Variants in BRWD1 observed in about 807,000 individuals in gnomAD.
The protein encoded by BRWD1 is bromodomain and WD repeat domain containing 1.
Under a neutral mutation model 251.2 loss-of-function variants are expected in BRWD1, and 82 were observed. That is an observed-to-expected ratio of 0.33 (90% confidence interval 0.27 to 0.39). The LOEUF (loss-of-function observed/expected upper bound fraction) is 0.39. Among genes scored for constraint, BRWD1 ranks in the 10% least tolerant of loss-of-function variants. BRWD1 has a pLI of 1.00. For missense variants in BRWD1, 2,233 were observed against 2,711.6 expected (o/e 0.82, Z 3.92); for synonymous variants, 918 against 902.8 (o/e 1.02, Z -0.30).
chr21:39,213,385 C>CT, intron 33 of BRWD1, 96 bp downstream of exon 33: 1 of 986,216 alleles, frequency 1.0e-6, no homozygotes, highest in South Asian at 1.4e-5. Context: ...CATTGGACTA[C>CT]TACAAGAGTT....
At chr21:39,248,065 T>G (rs1400799947) in intron 20 of BRWD1, among the ~76,000 whole-genome samples, 1 of 152,190 alleles carries the variant, frequency 6.6e-6, no homozygotes, top group African/African-American at 2.4e-5. Context: ...CAAACTATGC[T>G]GTAAGTTAAC....
intron 17 of BRWD1, among the ~76,000 whole-genome samples, chr21:39,259,315 A>T (rs1476798557): frequency 1.3e-5 from 2 of 152,074 alleles, no homozygotes; most frequent in African/African-American, 4.8e-5. Context: ...TCTGAGACGG[A>T]GTCTCACTTT....
intron 25 of BRWD1, among the ~76,000 whole-genome samples, chr21:39,230,410 A>G (rs1601333892): frequency 1.3e-5 from 2 of 152,358 alleles, no homozygotes; most frequent in South Asian, 2.1e-4. Flanking sequence ...TATTCACAGC[A>G]GTTATGTTCT....
intron 10 of BRWD1, 118 bp from the exon 11 acceptor site, chr21:39,277,469 C>T (rs1347960500): frequency 1.6e-6 from 1 of 630,872 alleles, no homozygotes. Flanking sequence ...AAGTTTATCT[C>T]AACAGTTACA....
chr21:39,224,532 T>C (rs1246906789), intron 28 of BRWD1, 63 bp from the exon 29 acceptor site: 6 of 1,091,962 alleles, frequency 5.5e-6, no homozygotes, highest in African/African-American at 1.6e-5. Context: ...ATAATAGGTA[T>C]CCATTATAAA....
chr21:39,247,593 G>T, intron 21 of BRWD1, 108 bp downstream of exon 21: 1 of 1,170,310 alleles, frequency 8.5e-7, no homozygotes, highest in Non-Finnish European at 1.2e-6. Flanking sequence ...ATTAATCTCT[G>T]CAGAATGCTG....
In BRWD1 at chr21:39,190,784, G is replaced by A. The variant is rs867251719; in HGVS notation, c.*5475C>T. 7.1e-6 allele frequency: 7 copies of A among 985,176 alleles called. No individual in the cohort carries two copies. The highest frequency in any genetic ancestry group is 5.2e-4 in the Middle Eastern group (1 of 1,936). 61.0% of individuals were successfully genotyped at this position (985,176 alleles called of 1,614,324 possible). Reference sequence around the variant, plus strand: ...ACAGTTCCGTTTTCTAGGGGGAGCTGGTAACACTGCAGTATGGCAGCATCA... The same window carrying A: ...ACAGTTCCGTTTTCTAGGGGGAGCTAGTAACACTGCAGTATGGCAGCATCA... On this transcript the variant is annotated 3_prime_UTR_variant, in exon 41 of 41. Transcript: ENST00000342449.
rs567063436 is a variant in BRWD1 at position 39,255,961 on chromosome 21, A to T, written c.2072-133T>A. 3.9e-4 allele frequency: 314 copies of T among 813,742 alleles called. 5 individuals carry two copies. In the South Asian group the frequency reaches 4.9e-3, roughly 13 times the overall value. The allele number at this position is 813,742 out of a possible 1,614,324, so 50.4% of individuals were successfully genotyped here. ...TAAGAGAAGATAGTATCTACTGAAA[A>T]AACTTTGTGAGAAAAATCTTTTTAA... On this transcript the variant is annotated intron_variant, in intron 18 of 40. Coordinates refer to ENST00000342449, the MANE Select transcript of BRWD1 (RefSeq NM_033656.4).
chr21:39,247,744 C>T lies in BRWD1; in HGVS notation c.2438G>A (p.Arg813His), dbSNP rs777576219. 16 of 1,613,552 alleles carry T rather than the reference C, an allele frequency of 9.9e-6. No homozygotes were observed. Among genetic ancestry groups the T allele is most frequent in the East Asian group, 4.5e-5 (2 of 44,820 alleles). ...AGACTCATTTCCAGAAGATAACTCA[C>T]GCCAGCTACGATTTCTTCTACCATA... is the stretch of plus-strand genomic sequence containing the variant. Reference protein sequence around the residue: ...PNYGRRNRSWRELSSGNESSS... With the variant: ...PNYGRRNRSWHELSSGNESSS... Residue 813 changes from arginine (R) to histidine (H), a missense_variant, in exon 21 of 41, where the codon CGT (arginine) becomes CAT (histidine). Around this residue, in one of 12 missense-constraint regions of BRWD1, gnomAD observed 214 missense variants for 222.0 expected, o/e 0.96. Coordinates refer to ENST00000342449, the MANE Select transcript of BRWD1 (RefSeq NM_033656.4).
intron 18 of BRWD1, 123 bp downstream of exon 18, chr21:39,258,364 T>A (rs1223343754): frequency 1.2e-6 from 1 of 851,824 alleles, no homozygotes; most frequent in Non-Finnish European, 1.7e-6. Context: ...GACTACTAAT[T>A]AAGTTGTAAA....
In BRWD1 at chr21:39,313,515, G is replaced by GAGC. The variant is rs2036593128; in HGVS notation, c.-25_-24insGCT. The GAGC allele has an allele frequency of 3.0e-6, 4 of 1,329,424 alleles. No homozygotes were observed. The highest frequency in any genetic ancestry group is 8.4e-5 in the Admixed American group (2 of 23,890). 82.4% of individuals were successfully genotyped at this position (1,329,424 alleles called of 1,614,324 possible). ...ATGGCCGGGCGCGGGGCGGGAGGCGGGAGCGAGCGAGCGAGCGGAGCGTGT... is the reference window on the plus strand; with the variant it reads ...ATGGCCGGGCGCGGGGCGGGAGGCGGAGCGAGCGAGCGAGCGAGCGGAGCGTGT... On this transcript the variant is annotated 5_prime_UTR_variant, in exon 1 of 41. Coordinates refer to ENST00000342449, the MANE Select transcript of BRWD1 (RefSeq NM_033656.4).
At chr21:39,253,986 G>C (rs1417386234) in intron 19 of BRWD1, among the ~76,000 whole-genome samples, 1 of 152,162 alleles carries the variant, frequency 6.6e-6, no homozygotes, top group Admixed American at 6.5e-5. Flanking sequence ...CATTTCTTAG[G>C]CTGGGCGTAG....
intron 27 of BRWD1, among the ~76,000 whole-genome samples, chr21:39,225,834 T>C (rs1001082944): frequency 2.0e-5 from 3 of 152,118 alleles, no homozygotes; most frequent in African/African-American, 7.2e-5. Context: ...TCAAAATCAC[T>C]TGAAACCATA....
At chr21:39,219,421 A>G (rs1433682675) in intron 29 of BRWD1, 1 of 148,132 alleles carries the variant, frequency 6.8e-6, no homozygotes, top group African/African-American at 2.4e-5. Context: ...CTCTGTCTCA[A>G]AAAAAAAAAA....
rs751444234 is a variant in BRWD1, at chr21:39,202,521, T to G, written c.4389A>C (p.Lys1463Asn). The G allele has an allele frequency of 3.7e-6, 6 of 1,611,558 alleles. No individual in the cohort carries two copies. The highest frequency in any genetic ancestry group is 5.1e-6 in the Non-Finnish European group (6 of 1,177,812). ...SIRNLKPKRL[K>N]SQTKIIPELV... ...ACTCAGGAATTATTTTTGTCTGAGATTTTAACCTCTTCGGCTTGAGGTTTC... is the reference window on the plus strand; with the variant it reads ...ACTCAGGAATTATTTTTGTCTGAGAGTTTAACCTCTTCGGCTTGAGGTTTC... The change falls in exon 38 of 41, where the codon AAA (lysine) becomes AAC (asparagine). Residue 1463 changes from lysine (K) to asparagine (N), a missense_variant. Coordinates refer to ENST00000342449, the MANE Select transcript of BRWD1 (RefSeq NM_033656.4).
chr21:39,258,426 C>G, intron 18 of BRWD1, 61 bp downstream of exon 18: 1 of 1,350,862 alleles, frequency 7.4e-7, no homozygotes, highest in Non-Finnish European at 9.9e-7. Context: ...ACAAAGACTT[C>G]GTTTACTCTT....
chr21:39,298,245 G>A, intron 5 of BRWD1, 187 bp downstream of exon 5: 3 of 1,245,344 alleles, frequency 2.4e-6, no homozygotes, highest in Non-Finnish European at 3.0e-6. Flanking sequence ...TTTTAATGCA[G>A]AAGGACCCAT....
At chr21:39,277,171 A>C (rs2035304921) in intron 11 of BRWD1, 80 bp downstream of exon 11, 1 of 863,752 alleles carries the variant, frequency 1.2e-6, no homozygotes, top group African/African-American at 1.8e-5. Flanking sequence ...ATAAAAGTAG[A>C]GCCAATAACA....
intron 12 of BRWD1, among the ~76,000 whole-genome samples, chr21:39,275,468 G>A (rs1416385904): frequency 6.6e-6 from 1 of 152,100 alleles, no homozygotes; most frequent in Non-Finnish European, 1.5e-5. Context: ...TACATTTCAT[G>A]TGTTCTTCCC....
Sources: gnomAD v4.1 joint callset for allele counts (sites outside exome capture counted in the v4.1 genomes callset) on GRCh38, gnomAD v4.1.1 for gene constraint, gnomAD v4.1.1 regional missense constraint, MANE v1.5 for transcripts, NCBI Gene and HGNC (gene_info 2026-07-23, HGNC 2026-07-21) for gene names.